LIMCH1: variants seen among roughly 807,000 people sequenced by gnomAD.
LIMCH1 encodes the protein LIM and calponin homology domains-containing protein 1.
A neutral mutation model predicts 176.5 loss-of-function variants in LIMCH1; 113 were observed. That is an observed-to-expected ratio of 0.64 (90% CI 0.55 to 0.75). The LOEUF (loss-of-function observed/expected upper bound fraction) is 0.75, where lower values mean the gene tolerates loss of function less well. LIMCH1 is among the 30% of genes least tolerant of loss of function. The probability of loss-of-function intolerance (pLI) is 0.00; values close to 1 mark genes in which losing one functional copy is unlikely to be tolerated. For synonymous variants in LIMCH1, 619 were observed against 645.9 expected (o/e 0.96, Z 0.63); for missense variants, 1,674 against 1,814.9 (o/e 0.92, Z 1.41).
At chr4:41,408,097 A>G (rs114424015) in intron 1 of LIMCH1, among the ~76,000 whole-genome samples, 411 of 152,276 alleles carry the variant, frequency 2.7e-3, no homozygotes, top group African/African-American at 9.4e-3. Flanking sequence ...GTCAGGTCGA[A>G]TGAATGAGGA....
chr4:41,431,389 T>G (rs1007142159), intron 1 of LIMCH1, among the ~76,000 whole-genome samples: 1 of 152,200 alleles, frequency 6.6e-6, no homozygotes, highest in African/African-American at 2.4e-5. Context: ...TTCCCAGTCA[T>G]ATGAAGAGCA....
intron 23 of LIMCH1, among the ~76,000 whole-genome samples, chr4:41,677,424 G>C (rs1711778527): frequency 6.6e-6 from 1 of 152,004 alleles, no homozygotes; most frequent in Non-Finnish European, 1.5e-5. Flanking sequence ...AAAGAAAAAA[G>C]AAAAGAAAAA....
intron 1 of LIMCH1, among the ~76,000 whole-genome samples, chr4:41,583,847 A>G (rs901504421): frequency 1.3e-5 from 2 of 151,880 alleles, no homozygotes; most frequent in East Asian, 1.9e-4. Flanking sequence ...ACACATTTTA[A>G]TATCAGCAGA....
At chr4:41,543,535 T>A (rs1348483207) in intron 1 of LIMCH1, among the ~76,000 whole-genome samples, 1 of 152,204 alleles carries the variant, frequency 6.6e-6, no homozygotes, top group Non-Finnish European at 1.5e-5. Flanking sequence ...TCTTTGTCTT[T>A]GAGCACAAGA....
intron 1 of LIMCH1, among the ~76,000 whole-genome samples, chr4:41,427,621 A>G (rs949252061): frequency 6.6e-6 from 1 of 152,222 alleles, no homozygotes; most frequent in Non-Finnish European, 1.5e-5. Flanking sequence ...GTTCCAAAAC[A>G]TCAATGTTGA....
At chr4:41,666,948 A>G (rs906979850) in intron 21 of LIMCH1, among the ~76,000 whole-genome samples, 2 of 152,264 alleles carry the variant, frequency 1.3e-5, no homozygotes, top group Middle Eastern at 3.4e-3. Flanking sequence ...AAAATTTTGT[A>G]TTATCAAAAT....
intron 1 of LIMCH1, among the ~76,000 whole-genome samples, chr4:41,439,477 A>G (rs2154140541): frequency 6.6e-6 from 1 of 152,242 alleles, no homozygotes; most frequent in East Asian, 1.9e-4. Context: ...GTCCCAGCTC[A>G]GGAAGCTGAA....
intron 3 of LIMCH1, among the ~76,000 whole-genome samples, chr4:41,530,941 T>A (rs1008335838): frequency 1.4e-5 from 2 of 146,798 alleles, no homozygotes; most frequent in Admixed American, 6.9e-5. Context: ...CCAGGTGCAG[T>A]GCTAGATCAT....
chr4:41,694,618 A>G (rs1479886603), intron 31 of LIMCH1, among the ~76,000 whole-genome samples: 1 of 152,112 alleles, frequency 6.6e-6, no homozygotes, highest in Non-Finnish European at 1.5e-5. Flanking sequence ...ATACAATCCC[A>G]TTGTGTGGAC....
At chr4:41,525,280 A>G (rs983254204) in intron 3 of LIMCH1, among the ~76,000 whole-genome samples, 2 of 152,222 alleles carry the variant, frequency 1.3e-5, no homozygotes, top group African/African-American at 2.4e-5. Context: ...GGAAGTATGT[A>G]GCTCGGTAAT....
chr4:41,678,711 T>TGA (rs941361023), intron 23 of LIMCH1, among the ~76,000 whole-genome samples: 7 of 150,682 alleles, frequency 4.6e-5, no homozygotes, highest in Non-Finnish European at 1.0e-4. Context: ...GGGGAGGGTG[T>TGA]GAGAGAGAGA....
At chr4:41,585,127 A>G (rs531619511) in intron 1 of LIMCH1, among the ~76,000 whole-genome samples, 4 of 152,294 alleles carry the variant, frequency 2.6e-5, no homozygotes, top group Non-Finnish European at 4.4e-5. Context: ...CATTCAGTCT[A>G]TAGCACTATT....
At chr4:41,529,616 C>T (rs886472300) in intron 3 of LIMCH1, among the ~76,000 whole-genome samples, 1 of 152,152 alleles carries the variant, frequency 6.6e-6, no homozygotes, top group Non-Finnish European at 1.5e-5. Flanking sequence ...TGAGATGGAT[C>T]CCGAGCCCTG....
chr4:41,526,775 G>A (rs958024007), intron 3 of LIMCH1, among the ~76,000 whole-genome samples: 3 of 152,134 alleles, frequency 2.0e-5, no homozygotes, highest in Non-Finnish European at 2.9e-5. Context: ...CACCAGTCCT[G>A]TGCACCTATT....
intron 22 of LIMCH1, among the ~76,000 whole-genome samples, chr4:41,673,746 A>G (rs2095127509): frequency 6.6e-6 from 1 of 152,202 alleles, no homozygotes; most frequent in Non-Finnish European, 1.5e-5. Context: ...TGGGGTAGAT[A>G]GGAGGATGAG....
intron 1 of LIMCH1, among the ~76,000 whole-genome samples, chr4:41,416,365 A>C (rs1561297546): frequency 6.6e-6 from 1 of 152,260 alleles, no homozygotes; most frequent in East Asian, 1.9e-4. Flanking sequence ...AGAACTGGAA[A>C]CAACTGATAT....
chr4:41,645,646 GAATT>G (rs1011286325), intron 15 of LIMCH1, among the ~76,000 whole-genome samples: 6 of 152,136 alleles, frequency 3.9e-5, no homozygotes, highest in African/African-American at 1.4e-4. Flanking sequence ...AGGATCAGAT[GAATT>G]AATACATATA....
At chr4:41,671,077 T>A in intron 21 of LIMCH1, 12 of 631,234 alleles carry the variant, frequency 1.9e-5, no homozygotes, top group African/African-American at 2.0e-5. Context: ...AAAAAAAGAT[T>A]AAAAGCATTT....
chr4:41,591,736 A>G (rs1307968189), intron 1 of LIMCH1, among the ~76,000 whole-genome samples: 1 of 152,212 alleles, frequency 6.6e-6, no homozygotes. Flanking sequence ...GTCTGGATTC[A>G]TTTGAAACCC....
Sources: gnomAD v4.1 joint callset for allele counts (sites outside exome capture counted in the v4.1 genomes callset) on GRCh38, gnomAD v4.1.1 for gene constraint, MANE v1.5 for transcripts, NCBI Gene and HGNC (gene_info 2026-07-23, HGNC 2026-07-21) for gene names.